The following EML4 variants were observed in gnomAD, a reference collection of about 807,000 sequenced individuals.
EML4 encodes the protein echinoderm microtubule-associated protein-like 4.
EML4 carries 72 observed loss-of-function variants against 129.0 expected under a neutral mutation model. That is an observed-to-expected ratio of 0.56 (90% CI 0.46 to 0.68). The LOEUF (loss-of-function observed/expected upper bound fraction) is 0.68, where lower values mean the gene tolerates loss of function less well. Among genes scored for constraint, EML4 ranks in the 30% least tolerant of loss-of-function variants. The probability of loss-of-function intolerance (pLI) is 0.00; values close to 1 mark genes in which losing one functional copy is unlikely to be tolerated. For missense variants in EML4, 1,363 were observed against 1,190.6 expected (o/e 1.14, Z -2.13); for synonymous variants, 532 against 405.0 (o/e 1.31, Z -3.77).
chr2:42,180,711 T>C (rs781714700), intron 1 of EML4, among the ~76,000 whole-genome samples: 14 of 152,248 alleles, frequency 9.2e-5, no homozygotes, highest in Non-Finnish European at 1.8e-4. Context: ...CACAACCATA[T>C]TACAACCAAC....
rs773409961 is a variant in EML4 at position 42,263,244 on chromosome 2, T to A, written c.579T>A (p.Asn193Lys). The change falls in exon 5 of 23, where the codon AAT becomes AAA. Residue 193 changes from asparagine to lysine, a missense_variant. Transcript: ENST00000318522. ...NSWENSDDSR[N>K]KLSKIPSTPK... is the part of the protein sequence containing the mutation. ...GGGAAAATTCAGATGATAGCCGTAA[T>A]AAATTGTCGAAAATACCTTCAACAC... is the stretch of plus-strand genomic sequence containing the variant. 3.1e-6 allele frequency: 5 copies of A among 1,613,408 alleles called. No individual in the cohort carries two copies. Among genetic ancestry groups the A allele is most frequent in the Non-Finnish European group, 8.5e-7 (1 of 1,179,806 alleles).
chr2:42,191,060 T>A (rs1671552442), intron 1 of EML4, among the ~76,000 whole-genome samples: 1 of 152,234 alleles, frequency 6.6e-6, no homozygotes, highest in Non-Finnish European at 1.5e-5. Context: ...TTACCTACCT[T>A]TTCTACTTTA....
chr2:42,324,738 A>G (rs530073115), intron 19 of EML4, among the ~76,000 whole-genome samples: 1 of 152,370 alleles, frequency 6.6e-6, no homozygotes, highest in African/African-American at 2.4e-5. Context: ...AGATCTGTGT[A>G]ATTTATCTGA....
At chr2:42,180,811 C>G (rs1201403679) in intron 1 of EML4, among the ~76,000 whole-genome samples, 3 of 152,184 alleles carry the variant, frequency 2.0e-5, no homozygotes, top group African/African-American at 4.8e-5. Context: ...GCAAAAAGAT[C>G]TAGTTCACAA....
At chr2:42,230,935 A>C (rs571917279) in intron 1 of EML4, among the ~76,000 whole-genome samples, 1 of 152,338 alleles carries the variant, frequency 6.6e-6, no homozygotes, top group South Asian at 2.1e-4. Context: ...TGTTAGTATA[A>C]ATAACTCTGT....
At chr2:42,209,777 A>G (rs1341374668) in intron 1 of EML4, among the ~76,000 whole-genome samples, 2 of 152,122 alleles carry the variant, frequency 1.3e-5, no homozygotes, top group Non-Finnish European at 2.9e-5. Flanking sequence ...TAAAAATACA[A>G]AATTAGCTGG....
intron 16 of EML4, 77 bp downstream of exon 16, chr2:42,303,523 A>G: frequency 6.7e-7 from 1 of 1,503,148 alleles, no homozygotes; most frequent in Non-Finnish European, 9.2e-7. Context: ...GCAAAGTAAA[A>G]AGGACTAAGT....
intron 1 of EML4, among the ~76,000 whole-genome samples, chr2:42,242,519 AACC>A (rs1558532435): frequency 6.6e-6 from 1 of 152,032 alleles, no homozygotes; most frequent in Admixed American, 6.6e-5. Flanking sequence ...GTAGCTGGAG[AACC>A]AAGGTGGATG....
chr2:42,234,805 T>C (rs958991402), intron 1 of EML4, among the ~76,000 whole-genome samples: 1 of 152,190 alleles, frequency 6.6e-6, no homozygotes, highest in African/African-American at 2.4e-5. Flanking sequence ...CATCAGAAAT[T>C]GTATAATTAA....
At chr2:42,322,654 G>T (rs942765192) in intron 19 of EML4, among the ~76,000 whole-genome samples, 1 of 152,222 alleles carries the variant, frequency 6.6e-6, no homozygotes, top group Non-Finnish European at 1.5e-5. Context: ...GAAAGGGCCA[G>T]CTTAGAATAC....
chr2:42,223,202 C>G lies in EML4; in HGVS notation c.26-22303C>G, dbSNP rs919676420. Among the ~76,000 whole-genome samples the G allele has an allele frequency of 5.3e-5, 8 of 152,020 alleles. No individual in the cohort carries two copies. The East Asian group carries it at 1.3e-3, about 26-fold the overall frequency. ...TGATAGGTCTGATAGGTTTATAGTT[C>G]CCTCTCTCCCTGCTACATACATTGT... On this transcript the variant is annotated intron_variant, in intron 1 of 22. Coordinates refer to ENST00000318522, the MANE Select transcript of EML4 (RefSeq NM_019063.5).
Position 42,301,391 on chromosome 2 carries a change from A to T in EML4, c.1640A>T (p.Glu547Val), listed in dbSNP as rs1668278953. Residue 547 changes from glutamate to valine, a missense_variant and splice_region_variant, in exon 14 of 23, where the codon GAG becomes GTG. Transcript: ENST00000318522. ...DHDLNPEREI[E>V]VPDQYGTIRA... ...GATCTGAATCCTGAAAGAGAAATAG[A>T]GGTAAGGATGGAAACGGAATATAAA... The T allele has an allele frequency of 6.2e-7, 1 of 1,609,148 alleles. No homozygotes were observed. The highest frequency in any genetic ancestry group is 8.5e-7 in the Non-Finnish European group (1 of 1,177,974).
At chr2:42,224,867 C>G (rs565444793) in intron 1 of EML4, among the ~76,000 whole-genome samples, 1 of 152,124 alleles carries the variant, frequency 6.6e-6, no homozygotes, top group East Asian at 1.9e-4. Context: ...CAACCATCAC[C>G]CGTATGTTTT....
intron 11 of EML4, among the ~76,000 whole-genome samples, chr2:42,293,944 C>T (rs1411153455): frequency 2.0e-5 from 3 of 152,282 alleles, no homozygotes; most frequent in Non-Finnish European, 4.4e-5. Context: ...CTTCCGTACA[C>T]GTAAAGTTCT....
At chr2:42,248,570 G>T (rs540023313) in intron 2 of EML4, among the ~76,000 whole-genome samples, 1 of 152,208 alleles carries the variant, frequency 6.6e-6, no homozygotes, top group African/African-American at 2.4e-5. Context: ...TCTAAAGTGA[G>T]TCTAGGATCA....
intron 2 of EML4, among the ~76,000 whole-genome samples, chr2:42,247,172 G>A (rs1675465068): frequency 6.6e-6 from 1 of 152,164 alleles, no homozygotes. Flanking sequence ...GGGGAAATGG[G>A]GTGGTAATTG....
chr2:42,285,623 G>A (rs1188496915), intron 9 of EML4, among the ~76,000 whole-genome samples: 2 of 149,886 alleles, frequency 1.3e-5, no homozygotes, highest in Non-Finnish European at 3.0e-5. Context: ...TTTTGAGACG[G>A]AGTCTTGCTC....
Position 42,266,067 on chromosome 2 carries a change from C to T in EML4, c.667+1336C>T, listed in dbSNP as rs545114624. 1.2e-3 allele frequency among the ~76,000 whole-genome samples: 188 copies of T among 152,284 alleles called. 1 individual carries two copies. Among genetic ancestry groups the T allele is most frequent in the Non-Finnish European group, 2.4e-3 (161 of 68,018 alleles). On this transcript the variant is annotated intron_variant, in intron 6 of 22. Coordinates refer to ENST00000318522, the MANE Select transcript of EML4 (RefSeq NM_019063.5). The stretch of plus-strand genomic sequence containing the variant: ...CTTATTTTCTGTTCTATTATAGTAA[C>T]CAGCTGCAACGTGGTTAAAGCTTTT...
chr2:42,278,936 G>A (rs202065026), intron 6 of EML4, among the ~76,000 whole-genome samples: 3 of 148,562 alleles, frequency 2.0e-5, no homozygotes, highest in Non-Finnish European at 1.5e-5. Flanking sequence ...AACTCTCTTG[G>A]AAAAAAAAAA....
Sources: allele counts gnomAD v4.1 joint callset (sites outside exome capture counted in the v4.1 genomes callset), GRCh38; gene constraint gnomAD v4.1.1; transcripts MANE v1.5; gene names NCBI Gene and HGNC (gene_info 2026-07-23, HGNC 2026-07-21).